Variants in ROBO1 observed in about 807,000 individuals in gnomAD.
ROBO1 encodes the protein roundabout homolog 1.
ROBO1 carries 149 observed loss-of-function variants against 195.9 expected under a neutral mutation model. That is an observed-to-expected ratio of 0.76 (90% CI 0.67 to 0.87). ROBO1 has a LOEUF of 0.87. Ranked by LOEUF, ROBO1 falls within the 40% of genes least tolerant of loss-of-function variation. The pLI is 0.00. For missense variants in ROBO1, 1,933 were observed against 2,068.3 expected (o/e 0.93, Z 1.27); for synonymous variants, 816 against 733.2 (o/e 1.11, Z -1.82).
intron 4 of ROBO1, among the ~76,000 whole-genome samples, chr3:78,852,475 C>T (rs963863179): frequency 3.3e-5 from 5 of 152,128 alleles, no homozygotes; most frequent in African/African-American, 7.2e-5. Flanking sequence ...TAAGAAATCA[C>T]CAACCAAAAA....
chr3:78,797,814 G>A (rs2108557583), intron 4 of ROBO1, among the ~76,000 whole-genome samples: 1 of 152,132 alleles, frequency 6.6e-6, no homozygotes, highest in Non-Finnish European at 1.5e-5. Context: ...AAATAACCCT[G>A]AAAATCAGAT....
intron 9 of ROBO1, among the ~76,000 whole-genome samples, chr3:78,687,125 T>G (rs894561790): frequency 1.3e-5 from 2 of 150,856 alleles, no homozygotes; most frequent in African/African-American, 4.9e-5. Context: ...GAAACCAAAA[T>G]TATTTGGAAA....
intron 4 of ROBO1, among the ~76,000 whole-genome samples, chr3:78,810,309 T>C (rs1416813022): frequency 1.3e-5 from 2 of 152,192 alleles, no homozygotes; most frequent in Admixed American, 6.5e-5. Flanking sequence ...AACTGCAGCA[T>C]TCATTTCTTT....
chr3:79,392,834 G>A (rs1391263626), intron 2 of ROBO1, among the ~76,000 whole-genome samples: 1 of 152,126 alleles, frequency 6.6e-6, no homozygotes, highest in African/African-American at 2.4e-5. Context: ...AGAAACATTA[G>A]AAATCACTCA....
chr3:79,387,927 A>G (rs888450493), intron 2 of ROBO1, among the ~76,000 whole-genome samples: 26 of 152,274 alleles, frequency 1.7e-4, no homozygotes, highest in Admixed American at 1.4e-3. Flanking sequence ...TTGCAAATAA[A>G]TGCTATGTTC....
chr3:79,598,172 G>T (rs750015380), intron 1 of ROBO1, among the ~76,000 whole-genome samples: 7 of 152,074 alleles, frequency 4.6e-5, no homozygotes, highest in Non-Finnish European at 1.0e-4. Flanking sequence ...TTAAGTAAAT[G>T]ATTGAGGTCA....
At chr3:79,370,864 G>A (rs1019688396) in intron 2 of ROBO1, among the ~76,000 whole-genome samples, 1 of 151,692 alleles carries the variant, frequency 6.6e-6, no homozygotes, top group African/African-American at 2.4e-5. Context: ...TGGTCCCAGT[G>A]TGTGATGTTC....
chr3:79,635,753 G>C lies in ROBO1; in HGVS notation c.-50-45792C>G, dbSNP rs977337522. ...AGAAATGTACAGAGAAAAAGGAATG[G>C]TAGAAGCATGAAGAAATGTAGGAGG... On this transcript the variant is annotated intron_variant, in intron 1 of 30. Transcript: ENST00000464233. Among the ~76,000 whole-genome samples the C allele has an allele frequency of 2.0e-5, 3 of 152,076 alleles. No homozygotes were observed. In the East Asian group the frequency reaches 5.8e-4, roughly 29 times the overall value.
At chr3:78,754,371 T>A (rs923940210) in intron 4 of ROBO1, among the ~76,000 whole-genome samples, 3 of 152,122 alleles carry the variant, frequency 2.0e-5, no homozygotes, top group African/African-American at 4.8e-5. Context: ...AATGAGGATA[T>A]CTGAGCTACG....
At chr3:79,281,994 T>C (rs370620377) in intron 2 of ROBO1, among the ~76,000 whole-genome samples, 18 of 152,336 alleles carry the variant, frequency 1.2e-4, no homozygotes, top group African/African-American at 4.1e-4. Flanking sequence ...GAGTATGTGT[T>C]TGACCCTAAA....
At chr3:79,687,387 C>A (rs1947152210) in intron 1 of ROBO1, among the ~76,000 whole-genome samples, 2 of 152,114 alleles carry the variant, frequency 1.3e-5, no homozygotes, top group African/African-American at 4.8e-5. Context: ...TCTAATTAAA[C>A]TAAAGAACGA....
At chr3:79,276,748 G>A (rs1033944299) in intron 2 of ROBO1, among the ~76,000 whole-genome samples, 8 of 151,610 alleles carry the variant, frequency 5.3e-5, no homozygotes, top group African/African-American at 1.2e-4. Flanking sequence ...TAACAATAAC[G>A]TATAAGGAAC....
intron 4 of ROBO1, among the ~76,000 whole-genome samples, chr3:78,873,345 G>T (rs1210567057): frequency 6.6e-6 from 1 of 151,994 alleles, no homozygotes; most frequent in South Asian, 2.1e-4. Flanking sequence ...CTCTTCCTTC[G>T]AAAAGAAAAT....
At chr3:79,629,215 C>A (rs1945267561) in intron 1 of ROBO1, among the ~76,000 whole-genome samples, 2 of 152,106 alleles carry the variant, frequency 1.3e-5, no homozygotes, top group Admixed American at 6.6e-5. Context: ...CTTCTCTGCA[C>A]ATGGAGCATT....
intron 4 of ROBO1, among the ~76,000 whole-genome samples, chr3:78,851,609 CAGAT>C (rs1340925263): frequency 2.6e-5 from 4 of 152,226 alleles, no homozygotes; most frequent in East Asian, 1.9e-4. Context: ...ATAATTCTCA[CAGAT>C]AAACTATAAA....
chr3:79,736,598 G>A (rs1365192651), intron 1 of ROBO1, among the ~76,000 whole-genome samples: 1 of 152,130 alleles, frequency 6.6e-6, no homozygotes, highest in Non-Finnish European at 1.5e-5. Flanking sequence ...TCTGTGTTCT[G>A]TGGGTGTACC....
chr3:78,666,037 T>C (rs1192287613), intron 14 of ROBO1, among the ~76,000 whole-genome samples: 1 of 152,102 alleles, frequency 6.6e-6, no homozygotes, highest in Non-Finnish European at 1.5e-5. Flanking sequence ...CGTGCTGCTG[T>C]TCTCGTGATA....
Position 78,685,820 on chromosome 3 carries a change from A to C in ROBO1, c.1268T>G (p.Val423Gly). The change falls in exon 10 of 31, where the codon GTT becomes GGT. Residue 423 changes from valine (V) to glycine (G), a missense_variant. This residue lies in a region of ROBO1 where 1,737 missense variants were observed against 1,882.5 expected (regional missense o/e 0.92). Transcript: ENST00000464233. ...LTITNVQRSD[V>G]GYYICQTLNV... ...TAAAGTCTGGCAGATGTAATAACCA[A>C]CATCAGATCGCTGGACATTAGTAAT... 1 of 1,612,392 alleles carries C rather than the reference A, an allele frequency of 6.2e-7. No homozygotes were observed. The highest frequency in any genetic ancestry group is 1.1e-5 in the South Asian group (1 of 90,830).
At chr3:79,419,894 C>T (rs531245392) in intron 2 of ROBO1, among the ~76,000 whole-genome samples, 10 of 152,074 alleles carry the variant, frequency 6.6e-5, no homozygotes, top group South Asian at 4.2e-4. Context: ...GGTAAAAATA[C>T]GTACATAAGG....
Sources: allele counts gnomAD v4.1 joint callset (sites outside exome capture counted in the v4.1 genomes callset), GRCh38; gene constraint gnomAD v4.1.1; regional missense constraint gnomAD v4.1.1; transcripts MANE v1.5; gene names NCBI Gene and HGNC (gene_info 2026-07-23, HGNC 2026-07-21).